CALN1: variants seen among roughly 807,000 people sequenced by gnomAD.
CALN1 encodes the protein calneuron 1.
A neutral mutation model predicts 30.6 loss-of-function variants in CALN1; 17 were observed. The ratio of observed to expected loss-of-function variants is 0.56; its 90% CI spans 0.38 to 0.83. The LOEUF (loss-of-function observed/expected upper bound fraction) is 0.83, where lower values mean the gene tolerates loss of function less well. Among genes scored for constraint, CALN1 ranks in the 40% least tolerant of loss-of-function variants. The pLI, the probability that CALN1 is intolerant of heterozygous loss-of-function variation, is 0.00. For missense variants in CALN1, 291 were observed against 354.9 expected (o/e 0.82, Z 1.45); for synonymous variants, 156 against 131.4 (o/e 1.19, Z -1.28).
chr7:71,888,395 G>T (rs1743989383), intron 5 of CALN1, among the ~76,000 whole-genome samples: 1 of 148,094 alleles, frequency 6.8e-6, no homozygotes, highest in Non-Finnish European at 1.5e-5. Flanking sequence ...GTGGGCGATT[G>T]TATGGTTTGT....
intron 3 of CALN1, among the ~76,000 whole-genome samples, chr7:72,192,763 A>G: frequency 6.7e-6 from 1 of 149,340 alleles, no homozygotes; most frequent in Admixed American, 6.7e-5. Flanking sequence ...CTAACTCGTC[A>G]TCTAGCATTA....
At chr7:72,114,726 G>A (rs1416548798) in intron 3 of CALN1, among the ~76,000 whole-genome samples, 1 of 151,848 alleles carries the variant, frequency 6.6e-6, no homozygotes, top group African/African-American at 2.4e-5. Context: ...AGGCATGGCG[G>A]CTCATGCCTG....
In CALN1 at chr7:71,797,051, T is replaced by A. The variant is rs185046537; in HGVS notation, c.659-9149A>T. Among the ~76,000 whole-genome samples, 31 of 152,318 alleles carry A rather than the reference T, an allele frequency of 2.0e-4. No homozygotes were observed. The East Asian group carries it at 5.4e-3, about 27-fold the overall frequency. On this transcript the variant is annotated intron_variant, in intron 6 of 6. Transcript: ENST00000395275. Reference sequence around the variant, plus strand: ...TTGGCTTTTCTCCTGGAGAGAGTCATCTGCAGAGACTCTGCCACTCATTAG... The same window carrying A: ...TTGGCTTTTCTCCTGGAGAGAGTCAACTGCAGAGACTCTGCCACTCATTAG...
chr7:72,345,254 A>G (rs1585548502), intron 2 of CALN1, among the ~76,000 whole-genome samples: 1 of 150,188 alleles, frequency 6.7e-6, no homozygotes. Flanking sequence ...TTGTCCCCTT[A>G]AAGGCATTCA....
At chr7:72,308,746 T>C (rs1160870780) in intron 2 of CALN1, among the ~76,000 whole-genome samples, 1 of 152,058 alleles carries the variant, frequency 6.6e-6, no homozygotes, top group African/African-American at 2.4e-5. Flanking sequence ...TCCTCTTAGT[T>C]CCTTCCCGGA....
At chr7:72,307,311 A>G (rs1489540222) in intron 2 of CALN1, among the ~76,000 whole-genome samples, 2 of 152,222 alleles carry the variant, frequency 1.3e-5, no homozygotes, top group Non-Finnish European at 2.9e-5. Flanking sequence ...TTGAGTTGAC[A>G]GCATGAGAAT....
the CALN1 span, among the ~76,000 whole-genome samples, chr7:72,469,920 T>A: frequency 1.3e-5 from 2 of 152,190 alleles, no homozygotes; most frequent in Non-Finnish European, 2.9e-5. Flanking sequence ...CTTGAAATTG[T>A]GGCTTCACGT....
At chr7:72,005,019 G>A (rs1271150647) in intron 5 of CALN1, among the ~76,000 whole-genome samples, 6 of 152,110 alleles carry the variant, frequency 3.9e-5, no homozygotes, top group Admixed American at 1.3e-4. Flanking sequence ...CAGAAAACCT[G>A]AATCACTCAT....
chr7:72,071,299 AG>A (rs1804376598), intron 4 of CALN1, among the ~76,000 whole-genome samples: 1 of 152,156 alleles, frequency 6.6e-6, no homozygotes, highest in Non-Finnish European at 1.5e-5. Flanking sequence ...GCAGACAAAG[AG>A]GCAGGGGCCA....
Position 72,412,245 on chromosome 7 carries a change from A to C in CALN1, c.-261T>G, listed in dbSNP as rs969796473. On this transcript the variant is annotated 5_prime_UTR_variant, in exon 1 of 7. Transcript: ENST00000395275. ...ACGCAGACCGCGGCCGTGAGCTTTA[A>C]AGGTGGCGCGGACCCAGAGTAAGCA... 9.9e-5 allele frequency: 15 copies of C among 152,244 alleles called. No homozygotes were observed. Among genetic ancestry groups the C allele is most frequent in the African/African-American group, 3.4e-4 (14 of 41,458 alleles). The allele number at this position is 152,244 out of a possible 1,614,324, so 9.4% of individuals were successfully genotyped here. A position where few individuals can be genotyped will look rare whatever the true frequency, so the allele number is the denominator to read the frequency against.
chr7:72,152,598 T>C (rs1346512592), intron 3 of CALN1, among the ~76,000 whole-genome samples: 2 of 152,120 alleles, frequency 1.3e-5, no homozygotes, highest in East Asian at 3.9e-4. Flanking sequence ...GAGGAATCCA[T>C]GGTTATGGTC....
chr7:72,180,359 T>C lies in CALN1; in HGVS notation c.245-74065A>G, dbSNP rs75465916. ...GTTCAGGGGGTGACAGCCCAAAATG[T>C]GCATTGTCAAGTTCTCCATAAACCT... On this transcript the variant is annotated intron_variant, in intron 3 of 6. Coordinates refer to ENST00000395275, the MANE Select transcript of CALN1 (RefSeq NM_031468.4). Among the ~76,000 whole-genome samples the C allele has an allele frequency of 3.3e-3, 510 of 152,284 alleles. 9 individuals are homozygous for C. Among genetic ancestry groups the C allele is most frequent in the East Asian group, 0.026 (135 of 5,170 alleles).
At chr7:72,345,420 G>A (rs76712767) in intron 2 of CALN1, among the ~76,000 whole-genome samples, 127 of 75,956 alleles carry the variant, frequency 1.7e-3, no homozygotes, top group Non-Finnish European at 2.7e-3. Flanking sequence ...GAAGAGAAAG[G>A]AAAGAAAGGA....
At chr7:71,912,602 G>A (rs182531608) in intron 5 of CALN1, among the ~76,000 whole-genome samples, 112 of 152,242 alleles carry the variant, frequency 7.4e-4, no homozygotes, top group African/African-American at 2.4e-3. Flanking sequence ...CTCTTTCTCA[G>A]GTAGGACTCA....
chr7:72,307,663 G>T (rs567401756), intron 2 of CALN1, among the ~76,000 whole-genome samples: 34 of 152,292 alleles, frequency 2.2e-4, no homozygotes, highest in African/African-American at 7.2e-4. Context: ...CAACCTCCTG[G>T]CTGAGCCTCT....
At position 71,978,262 on chromosome 7, in the gene CALN1, C is replaced by CTTTTTTTTTTTT. The variant is rs1010635078; in HGVS notation, c.501+45383_501+45394dup. ...AAAAACTCAGGGACTCTAGAGAATTCTTTTTTTTTTTTTTTTTTTTTTTTT... is the reference window on the plus strand; with the variant it reads ...AAAAACTCAGGGACTCTAGAGAATTCTTTTTTTTTTTTTTTTTTTTTTTTTTTTTTTTTTTTT... On this transcript the variant is annotated intron_variant, in intron 5 of 6. Coordinates refer to ENST00000395275, the MANE Select transcript of CALN1 (RefSeq NM_031468.4). 2.1e-3 allele frequency among the ~76,000 whole-genome samples: 151 copies of CTTTTTTTTTTTT among 72,934 alleles called. 11 individuals are homozygous for CTTTTTTTTTTTT. Among genetic ancestry groups the CTTTTTTTTTTTT allele is most frequent in the East Asian group, 7.8e-3 (13 of 1,676 alleles). The allele number at this position is 72,934 out of a possible 152,430, so 47.8% of individuals were successfully genotyped here. A position where few individuals can be genotyped will look rare whatever the true frequency, so the allele number is the denominator to read the frequency against.
chr7:72,413,011 T>G (rs1487377838), upstream of CALN1, among the ~76,000 whole-genome samples: 7 of 152,148 alleles, frequency 4.6e-5, no homozygotes, highest in African/African-American at 1.7e-4. Context: ...CCACCTGGAG[T>G]AGGCCAGTGG....
At chr7:72,071,056 C>A (rs930037638) in intron 4 of CALN1, among the ~76,000 whole-genome samples, 3 of 152,184 alleles carry the variant, frequency 2.0e-5, no homozygotes, top group Non-Finnish European at 4.4e-5. Context: ...AAATTCCAGG[C>A]TATTGAAGGC....
chr7:72,187,854 T>C (rs1165930553), intron 3 of CALN1, among the ~76,000 whole-genome samples: 2 of 152,202 alleles, frequency 1.3e-5, no homozygotes, highest in African/African-American at 4.8e-5. Context: ...TGTATCTGTA[T>C]GGGAGTCACA....
Sources: allele counts gnomAD v4.1 joint callset (sites outside exome capture counted in the v4.1 genomes callset), GRCh38; gene constraint gnomAD v4.1.1; transcripts MANE v1.5; gene names NCBI Gene and HGNC (gene_info 2026-07-23, HGNC 2026-07-21).